CHCHD3: variants seen among roughly 807,000 people sequenced by gnomAD.
The protein encoded by CHCHD3 is MICOS complex subunit MIC19.
CHCHD3 carries 20 observed loss-of-function variants against 38.2 expected under a neutral mutation model. The ratio of observed to expected loss-of-function variants is 0.52; its 90% CI spans 0.37 to 0.76. The LOEUF (loss-of-function observed/expected upper bound fraction) is 0.76. CHCHD3 is among the 30% of genes least tolerant of loss of function. The probability of loss-of-function intolerance (pLI) is 0.00; values close to 1 mark genes in which losing one functional copy is unlikely to be tolerated. For synonymous variants in CHCHD3, 82 were observed against 100.0 expected (o/e 0.82, Z 1.07); for missense variants, 245 against 279.2 (o/e 0.88, Z 0.87).
chr7:132,942,037 C>T (rs1178142171), intron 4 of CHCHD3, among the ~76,000 whole-genome samples: 1 of 152,150 alleles, frequency 6.6e-6, no homozygotes, highest in Non-Finnish European at 1.5e-5. Context: ...ATTCAGAAAG[C>T]AGTAGAGCTA....
At chr7:132,828,974 C>T (rs1315710564) in intron 6 of CHCHD3, among the ~76,000 whole-genome samples, 1 of 152,150 alleles carries the variant, frequency 6.6e-6, no homozygotes, top group African/African-American at 2.4e-5. Flanking sequence ...AGAAGTCTTT[C>T]TGGATATCTT....
intron 1 of CHCHD3, among the ~76,000 whole-genome samples, chr7:133,079,492 G>C (rs75276577): frequency 0.022 from 3,420 of 152,272 alleles, 132 homozygotes; most frequent in African/African-American, 0.078. Flanking sequence ...CATGTGAAAG[G>C]AACCCTATCA....
At chr7:132,949,817 T>A (rs1810995003) in intron 4 of CHCHD3, among the ~76,000 whole-genome samples, 1 of 151,712 alleles carries the variant, frequency 6.6e-6, no homozygotes, top group South Asian at 2.1e-4. Flanking sequence ...AGGAGTGCAG[T>A]ATGAAAATTA....
intron 3 of CHCHD3, among the ~76,000 whole-genome samples, chr7:133,011,349 A>G (rs1487385568): frequency 2.0e-5 from 3 of 152,250 alleles, no homozygotes; most frequent in African/African-American, 7.2e-5. Context: ...TGTGAAAAAT[A>G]GAATGTGGCG....
chr7:132,887,012 A>G, intron 4 of CHCHD3: 5 of 1,241,874 alleles, frequency 4.0e-6, no homozygotes, highest in Non-Finnish European at 5.1e-6. Flanking sequence ...AAAATAAAAT[A>G]AACAGTTATT....
chr7:132,885,047 C>A (rs1309626058), intron 5 of CHCHD3, among the ~76,000 whole-genome samples: 6 of 152,020 alleles, frequency 3.9e-5, no homozygotes, highest in Admixed American at 3.9e-4. Context: ...AGGCCAGGAG[C>A]TCAAGACCAG....
chr7:132,962,835 C>A (rs1811354161), intron 4 of CHCHD3, among the ~76,000 whole-genome samples: 4 of 152,088 alleles, frequency 2.6e-5, no homozygotes, highest in Non-Finnish European at 2.9e-5. Flanking sequence ...TAAAAGTATT[C>A]ATCTTAATAC....
intron 1 of CHCHD3, among the ~76,000 whole-genome samples, chr7:133,073,227 G>C (rs1814878646): frequency 6.6e-6 from 1 of 151,946 alleles, no homozygotes; most frequent in African/African-American, 2.4e-5. Context: ...GGTTCTCCTA[G>C]GACTCTGGCC....
At chr7:132,938,145 A>G (rs1200440153) in intron 4 of CHCHD3, among the ~76,000 whole-genome samples, 2 of 152,208 alleles carry the variant, frequency 1.3e-5, no homozygotes, top group African/African-American at 4.8e-5. Context: ...AATATTACAT[A>G]GTTGTATCTT....
At position 133,030,540 on chromosome 7, in the gene CHCHD3, CA is replaced by C. The variant is rs113146522; in HGVS notation, c.170-5914del. Among the ~76,000 whole-genome samples, 1,399 of 151,876 alleles carry C rather than the reference CA, an allele frequency of 9.2e-3. 23 individuals are homozygous for C. Among genetic ancestry groups the C allele is most frequent in the African/African-American group, 0.032 (1,318 of 41,488 alleles). ...TGTGAAATGAGAAAAGGAGTAAAAACAAAAAAATGTTCAAGCAATATAAATC... is the reference window on the plus strand; with the variant it reads ...TGTGAAATGAGAAAAGGAGTAAAAACAAAAAATGTTCAAGCAATATAAATC... On this transcript the variant is annotated intron_variant, in intron 2 of 7. Coordinates refer to ENST00000262570, the MANE Select transcript of CHCHD3 (RefSeq NM_017812.4).
At chr7:132,925,864 T>C (rs1164581769) in intron 4 of CHCHD3, among the ~76,000 whole-genome samples, 6 of 151,942 alleles carry the variant, frequency 3.9e-5, no homozygotes, top group Non-Finnish European at 7.4e-5. Flanking sequence ...TGGGGGAAAA[T>C]GCAAATGTAT....
rs779382190 is a variant in CHCHD3 at position 132,901,336 on chromosome 7, ACGAG to A, written c.370-15595_370-15592del. ...GGAAAGAAGAGAATGCGCTCAAAGC[ACGAG>A]TCATCTGAATAGAAAGCAACAGCGC... On this transcript the variant is annotated intron_variant, in intron 4 of 7. Transcript: ENST00000262570. 9.8e-4 allele frequency among the ~76,000 whole-genome samples: 149 copies of A among 152,376 alleles called. 1 individual carries two copies. Among genetic ancestry groups the A allele is most frequent in the Non-Finnish European group, 1.8e-3 (123 of 68,040 alleles).
intron 4 of CHCHD3, among the ~76,000 whole-genome samples, chr7:132,948,420 T>A (rs1810951398): frequency 6.6e-6 from 1 of 151,826 alleles, no homozygotes; most frequent in African/African-American, 2.4e-5. Context: ...GAAGGGAGGG[T>A]AGGATCGAAA....
chr7:132,977,890 G>A (rs1213304926), intron 3 of CHCHD3, among the ~76,000 whole-genome samples: 1 of 151,908 alleles, frequency 6.6e-6, no homozygotes, highest in African/African-American at 2.4e-5. Context: ...GCAAGTTAAT[G>A]AAAAAGAAGC....
intron 5 of CHCHD3, among the ~76,000 whole-genome samples, chr7:132,840,753 AAAG>A (rs1807919246): frequency 6.6e-6 from 1 of 152,194 alleles, no homozygotes; most frequent in South Asian, 2.1e-4. Flanking sequence ...TAAATGGTAA[AAAG>A]TAAGTATTAC....
intron 6 of CHCHD3, among the ~76,000 whole-genome samples, chr7:132,809,738 G>A (rs1200438406): frequency 6.6e-6 from 1 of 152,112 alleles, no homozygotes; most frequent in Non-Finnish European, 1.5e-5. Context: ...GCCGAAGAGC[G>A]CAACTGCACA....
intron 6 of CHCHD3, among the ~76,000 whole-genome samples, chr7:132,799,007 CTGTGTGTGTGTGTGTGTG>C (rs58508838): frequency 0.013 from 1,915 of 145,532 alleles, 38 homozygotes; most frequent in African/African-American, 0.043. Context: ...GTGATCTGTT[CTGTGTGTGTGTGTGTGTG>C]TGTGTGTGTG....
chr7:133,026,604 C>T (rs937026432), intron 2 of CHCHD3, among the ~76,000 whole-genome samples: 5 of 152,184 alleles, frequency 3.3e-5, no homozygotes, highest in Non-Finnish European at 5.9e-5. Flanking sequence ...TTCACAACAT[C>T]CCAAAGCTAA....
intron 4 of CHCHD3, among the ~76,000 whole-genome samples, chr7:132,916,527 T>C (rs7787375): frequency 0.71 from 108,075 of 152,050 alleles, 38,538 homozygotes; most frequent in African/African-American, 0.74. Context: ...ACTTTTATTA[T>C]AGTATATTGT....
Sources: gnomAD v4.1 joint callset for allele counts (sites outside exome capture counted in the v4.1 genomes callset) on GRCh38, gnomAD v4.1.1 for gene constraint, MANE v1.5 for transcripts, NCBI Gene and HGNC (gene_info 2026-07-23, HGNC 2026-07-21) for gene names.